The following MSRA variants were observed in gnomAD, a reference collection of about 807,000 sequenced individuals.
MSRA encodes mitochondrial peptide methionine sulfoxide reductase.
MSRA carries 54 observed loss-of-function variants against 31.3 expected under a neutral mutation model. That is an observed-to-expected ratio of 1.73 (90% CI 1.39 to 2.17). MSRA has a LOEUF of 2.17. Ranked by LOEUF, MSRA falls within the 30% of genes most tolerant of loss-of-function variation. MSRA has a pLI of 0.00. For missense variants in MSRA, 507 were observed against 300.9 expected (o/e 1.69, Z -5.07); for synonymous variants, 169 against 116.5 (o/e 1.45, Z -2.90).
chr8:10,174,563 C>T (rs1374625174), intron 1 of MSRA, among the ~76,000 whole-genome samples: 1 of 152,086 alleles, frequency 6.6e-6, no homozygotes, highest in Non-Finnish European at 1.5e-5. Context: ...AGCCTGCAGT[C>T]CTACGTTCTT....
chr8:10,152,857 A>G (rs1443479077), intron 1 of MSRA, among the ~76,000 whole-genome samples: 2 of 152,210 alleles, frequency 1.3e-5, no homozygotes, highest in African/African-American at 4.8e-5. Flanking sequence ...ACTTGCTACA[A>G]CAGGGATGAA....
chr8:10,107,286 A>T lies in MSRA; in HGVS notation c.142+52628A>T, dbSNP rs1799950710. Among the ~76,000 whole-genome samples, 3 of 151,902 alleles carry T rather than the reference A, an allele frequency of 2.0e-5. No homozygotes were observed. In the South Asian group the frequency reaches 6.2e-4, roughly 32 times the overall value. On this transcript the variant is annotated intron_variant, in intron 1 of 5. Transcript: ENST00000317173. ...TGAGTGTTTTTTTTTTTAATTTAAC[A>T]CTTAAGTATAGCACTCTGAAAAATA...
chr8:10,204,512 G>C (rs1277297984), intron 1 of MSRA, among the ~76,000 whole-genome samples: 3 of 152,070 alleles, frequency 2.0e-5, no homozygotes, highest in Non-Finnish European at 1.5e-5. Flanking sequence ...TATTACAGTT[G>C]ACTACAGTAT....
intron 5 of MSRA, among the ~76,000 whole-genome samples, chr8:10,379,748 TAG>T (rs1482683978): frequency 4.6e-5 from 7 of 152,246 alleles, no homozygotes; most frequent in African/African-American, 1.7e-4. Flanking sequence ...TGGCCAGGCC[TAG>T]GGTAACCCTC....
At chr8:10,340,503 G>C (rs1032283625) in intron 5 of MSRA, among the ~76,000 whole-genome samples, 1 of 152,188 alleles carries the variant, frequency 6.6e-6, no homozygotes, top group Admixed American at 6.5e-5. Context: ...CTCCAGAATA[G>C]CTGGGATTTT....
chr8:10,342,923 A>G (rs1185966563), intron 5 of MSRA, among the ~76,000 whole-genome samples: 1 of 152,176 alleles, frequency 6.6e-6, no homozygotes, highest in Non-Finnish European at 1.5e-5. Context: ...GTTCTCATAC[A>G]TAAAATGTGA....
intron 1 of MSRA, among the ~76,000 whole-genome samples, chr8:10,086,562 C>G (rs1798566915): frequency 6.6e-6 from 1 of 152,128 alleles, no homozygotes; most frequent in African/African-American, 2.4e-5. Context: ...TGTCAGTTTC[C>G]TCATCCATAA....
intron 1 of MSRA, among the ~76,000 whole-genome samples, chr8:10,112,207 CAA>C: frequency 6.6e-6 from 1 of 152,192 alleles, no homozygotes; most frequent in East Asian, 1.9e-4. Flanking sequence ...ATTCCAGAAA[CAA>C]AAGAATAGTT....
chr8:10,182,040 A>G (rs910527671), intron 1 of MSRA, among the ~76,000 whole-genome samples: 3 of 152,170 alleles, frequency 2.0e-5, no homozygotes, highest in Non-Finnish European at 2.9e-5. Flanking sequence ...CTCTTGGTAC[A>G]TGACCCCATC....
intron 1 of MSRA, among the ~76,000 whole-genome samples, chr8:10,179,092 G>T (rs1806317323): frequency 2.6e-5 from 4 of 152,270 alleles, no homozygotes; most frequent in South Asian, 2.1e-4. Flanking sequence ...TCAGTTCACT[G>T]ATGACTATGG....
intron 5 of MSRA, among the ~76,000 whole-genome samples, chr8:10,324,051 C>A (rs1478678221): frequency 4.6e-5 from 7 of 152,122 alleles, no homozygotes; most frequent in Non-Finnish European, 1.0e-4. Context: ...TTGACTGAAA[C>A]CCAGAGTTTC....
At chr8:10,073,561 T>TG (rs1290674359) in intron 1 of MSRA, among the ~76,000 whole-genome samples, 1 of 98,004 alleles carries the variant, frequency 1.0e-5, no homozygotes, top group East Asian at 2.8e-4. Context: ...CTTTTTTCTT[T>TG]CTTTTTTTCC....
At chr8:10,368,240 C>T (rs1313244459) in intron 5 of MSRA, among the ~76,000 whole-genome samples, 1 of 152,224 alleles carries the variant, frequency 6.6e-6, no homozygotes, top group Non-Finnish European at 1.5e-5. Context: ...GCTTAAAATA[C>T]TTTTAACGCA....
At chr8:10,406,219 G>A (rs1406261045) in intron 5 of MSRA, among the ~76,000 whole-genome samples, 4 of 152,352 alleles carry the variant, frequency 2.6e-5, no homozygotes, top group African/African-American at 4.8e-5. Context: ...AAAGTCTACC[G>A]TGGTGGGCTG....
intron 4 of MSRA, among the ~76,000 whole-genome samples, chr8:10,309,865 G>T (rs370706040): frequency 6.6e-6 from 1 of 152,166 alleles, no homozygotes; most frequent in African/African-American, 2.4e-5. Flanking sequence ...GGAATCGGGT[G>T]GGATAGGTCC....
chr8:10,092,976 G>C (rs1175113049), intron 1 of MSRA, among the ~76,000 whole-genome samples: 1 of 152,098 alleles, frequency 6.6e-6, no homozygotes, highest in Non-Finnish European at 1.5e-5. Context: ...CTTAAAGTCT[G>C]TTTTGCTTGT....
intron 1 of MSRA, among the ~76,000 whole-genome samples, chr8:10,069,688 G>C (rs925405451): frequency 6.6e-6 from 1 of 152,176 alleles, no homozygotes; most frequent in Non-Finnish European, 1.5e-5. Flanking sequence ...ATCCATGAGG[G>C]ATGAGCCCTC....
At chr8:10,187,978 A>G (rs1585124391) in intron 1 of MSRA, among the ~76,000 whole-genome samples, 2 of 152,340 alleles carry the variant, frequency 1.3e-5, no homozygotes, top group South Asian at 4.1e-4. Flanking sequence ...AATTTGCTTT[A>G]CAGACTTTGA....
chr8:10,419,849 T>G (rs1369336345), intron 5 of MSRA, among the ~76,000 whole-genome samples: 2 of 152,142 alleles, frequency 1.3e-5, no homozygotes, highest in African/African-American at 4.8e-5. Context: ...GCCACTGGGA[T>G]CAGCTGGGTT....
Sources: allele counts gnomAD v4.1 joint callset (sites outside exome capture counted in the v4.1 genomes callset), GRCh38; gene constraint gnomAD v4.1.1; transcripts MANE v1.5; gene names NCBI Gene and HGNC (gene_info 2026-07-23, HGNC 2026-07-21).